NHS: variants seen among roughly 807,000 people sequenced by gnomAD.
NHS encodes the protein actin remodeling regulator NHS.
In NHS, 5 loss-of-function variants were observed where a neutral mutation model predicts 72.5. The ratio of observed to expected loss-of-function variants is 0.07; its 90% CI spans 0.04 to 0.14. The LOEUF (loss-of-function observed/expected upper bound fraction) is 0.14, where lower values mean the gene tolerates loss of function less well. Ranked by LOEUF, NHS falls within the 10% of genes least tolerant of loss-of-function variation. The pLI is 1.00. For missense variants in NHS, 1,072 were observed against 1,355.7 expected, an observed-to-expected ratio of 0.79 and a Z score of 3.29; for synonymous variants, 464 against 547.7, an observed-to-expected ratio of 0.85 and a Z score of 2.13.
At position 17,726,012 on chromosome X, in the gene NHS, G is replaced by A; in HGVS notation, c.1906G>A (p.Gly636Arg). ...DHQSSSGNWS[G>R]SSSTCPSQTS... The stretch of plus-strand genomic sequence containing the variant: ...CCAGTCATCCAGTGGCAACTGGAGT[G>A]GGAGCAGCTCCACGTGCCCCTCGCA... Residue 636 changes from glycine (G) to arginine (R), a missense_variant, in exon 7 of 9, where the codon GGG (glycine) becomes AGG (arginine). By Grantham distance (125) the Gly-to-Arg change is moderately radical. Coordinates refer to ENST00000676302, the MANE Select transcript of NHS (RefSeq NM_001291867.2). 1.7e-6 allele frequency: 2 copies of A among 1,211,524 alleles called. No homozygotes were observed. The highest frequency in any genetic ancestry group is 2.2e-6 in the Non-Finnish European group (2 of 895,398).
intron 1 of NHS, among the ~76,000 whole-genome samples, chrX:17,621,082 A>G (rs953140272): frequency 8.9e-6 from 1 of 112,263 alleles, no homozygotes; most frequent in African/African-American, 3.2e-5. Context: ...AATCACCCCA[A>G]CCCAGGCCCC....
At chrX:17,707,703 A>G (rs1285161377) in intron 3 of NHS, among the ~76,000 whole-genome samples, 1 of 111,794 alleles carries the variant, frequency 8.9e-6, no homozygotes, top group Non-Finnish European at 1.9e-5. Context: ...TAGCCAGGAG[A>G]GAAGATCAAA....
chrX:17,589,620 T>C (rs760375022), intron 1 of NHS, among the ~76,000 whole-genome samples: 2 of 110,104 alleles, frequency 1.8e-5, no homozygotes, highest in South Asian at 3.9e-4. Context: ...ATTTTTGCAA[T>C]TGCGAATTGT....
intron 1 of NHS, among the ~76,000 whole-genome samples, chrX:17,410,505 G>A (rs752396427): frequency 9.6e-6 from 1 of 104,393 alleles, no homozygotes; most frequent in East Asian, 3.0e-4. Context: ...CTTTCTGACG[G>A]CAACTCTCTG....
intron 1 of NHS, among the ~76,000 whole-genome samples, chrX:17,522,324 G>A (rs1371829132): frequency 8.9e-6 from 1 of 112,379 alleles, no homozygotes; most frequent in East Asian, 2.8e-4. Context: ...ATAAGGGGGC[G>A]GGAGGAAGAG....
chrX:17,687,304 C>T, intron 1 of NHS: 1 of 211,194 alleles, frequency 4.7e-6, no homozygotes, highest in South Asian at 7.0e-5. Context: ...GCGTGCAGAA[C>T]TACAGCTCTG....
At chrX:17,704,288 T>C (rs1192650791) in intron 3 of NHS, among the ~76,000 whole-genome samples, 1 of 108,871 alleles carries the variant, frequency 9.2e-6, no homozygotes, top group Admixed American at 9.7e-5. Context: ...TAAAAAAAAT[T>C]TAAAAATTAA....
intron 1 of NHS, among the ~76,000 whole-genome samples, chrX:17,516,951 C>T (rs1172903537): frequency 3.6e-5 from 4 of 112,379 alleles, no homozygotes; most frequent in Non-Finnish European, 7.5e-5. Flanking sequence ...AACTCAGAAG[C>T]ATATGGGGCT....
chrX:17,668,501 A>G (rs2066026086), intron 1 of NHS, among the ~76,000 whole-genome samples: 2 of 111,394 alleles, frequency 1.8e-5, no homozygotes, highest in Admixed American at 9.5e-5. Flanking sequence ...TGTTCCTCAA[A>G]CATTCAAACA....
chrX:17,410,327 G>T (rs888171850), intron 1 of NHS, among the ~76,000 whole-genome samples: 3 of 110,823 alleles, frequency 2.7e-5, no homozygotes, highest in African/African-American at 9.9e-5. Context: ...AATCTGGTGG[G>T]ATTACTTTGA....
At chrX:17,476,268 G>A (rs1601723426) in intron 1 of NHS, among the ~76,000 whole-genome samples, 1 of 111,862 alleles carries the variant, frequency 8.9e-6, no homozygotes, top group African/African-American at 3.3e-5. Context: ...CTTGGGCAGA[G>A]CTATTGAGGG....
intron 1 of NHS, among the ~76,000 whole-genome samples, chrX:17,468,030 G>A (rs1222572124): frequency 1.8e-5 from 2 of 110,750 alleles, no homozygotes; most frequent in Non-Finnish European, 3.8e-5. Context: ...CAGGGATTTG[G>A]GAATGGGCTG....
At chrX:17,484,627 AGTG>A (rs1259787424) in intron 1 of NHS, among the ~76,000 whole-genome samples, 2 of 25,325 alleles carry the variant, frequency 7.9e-5, no homozygotes, top group Non-Finnish European at 1.9e-4. Flanking sequence ...CAGGAATTTC[AGTG>A]GGCTCTGGGG....
intron 1 of NHS, among the ~76,000 whole-genome samples, chrX:17,580,517 T>C: frequency 8.9e-6 from 1 of 112,250 alleles, no homozygotes; most frequent in Admixed American, 9.4e-5. Context: ...ATAACTGCTA[T>C]GAAATAAAGC....
At chrX:17,421,856 C>A (rs1303916890) in intron 1 of NHS, among the ~76,000 whole-genome samples, 1 of 112,132 alleles carries the variant, frequency 8.9e-6, no homozygotes, top group African/African-American at 3.2e-5. Context: ...GGATTACAGG[C>A]GTGAGCCACC....
intron 2 of NHS, among the ~76,000 whole-genome samples, chrX:17,688,198 C>T (rs990676458): frequency 8.9e-6 from 1 of 112,017 alleles, no homozygotes; most frequent in Non-Finnish European, 1.9e-5. Flanking sequence ...ATGAAGCAGT[C>T]AGATGTCTGC....
chrX:17,729,509 T>C (rs1228839409), intron 8 of NHS, among the ~76,000 whole-genome samples: 1 of 112,277 alleles, frequency 8.9e-6, no homozygotes, highest in East Asian at 2.8e-4. Context: ...ATTTCTTTAA[T>C]AGTACTGGCC....
At chrX:17,409,093 G>A (rs1026250352) in intron 1 of NHS, among the ~76,000 whole-genome samples, 2 of 112,039 alleles carry the variant, frequency 1.8e-5, no homozygotes, top group Non-Finnish European at 3.8e-5. Flanking sequence ...TAGAGCCCCC[G>A]TCTCCAAATA....
intron 1 of NHS, among the ~76,000 whole-genome samples, chrX:17,670,746 AG>A (rs2066039715): frequency 8.9e-6 from 1 of 112,386 alleles, no homozygotes; most frequent in East Asian, 2.8e-4. Flanking sequence ...ACAGACCTTT[AG>A]TCTGATGACA....
Sources: gnomAD v4.1 joint callset for allele counts (sites outside exome capture counted in the v4.1 genomes callset) on GRCh38, gnomAD v4.1.1 for gene constraint, MANE v1.5 for transcripts, NCBI Gene and HGNC (gene_info 2026-07-23, HGNC 2026-07-21) for gene names.